The following TUSC3 variants were observed in gnomAD, a reference collection of about 807,000 sequenced individuals.
TUSC3 encodes tumor suppressor candidate 3.
A neutral mutation model predicts 44.8 loss-of-function variants in TUSC3; 45 were observed. That is an observed-to-expected ratio of 1.00 (90% CI 0.79 to 1.29). The LOEUF is 1.29. TUSC3 is among the 50% of genes most tolerant of loss of function. TUSC3 has a pLI of 0.00. For synonymous variants in TUSC3, 212 were observed against 152.9 expected, an observed-to-expected ratio of 1.39 and a Z score of -2.85; for missense variants, 519 against 437.9, an observed-to-expected ratio of 1.19 and a Z score of -1.65.
At chr8:15,734,900 G>C (rs1810867855) in intron 7 of TUSC3, among the ~76,000 whole-genome samples, 2 of 152,180 alleles carry the variant, frequency 1.3e-5, no homozygotes, top group South Asian at 2.1e-4. Context: ...ATTGGTGAAA[G>C]TTAGGTTAGG....
intron 6 of TUSC3, among the ~76,000 whole-genome samples, chr8:15,693,514 G>C (rs746897715): frequency 6.9e-5 from 9 of 130,222 alleles, no homozygotes; most frequent in Non-Finnish European, 1.2e-4. Context: ...TAGGGTTTCT[G>C]CTGTTTTAAG....
At chr8:15,492,330 C>T (rs1332187232) in intron 2 of TUSC3, among the ~76,000 whole-genome samples, 1 of 152,156 alleles carries the variant, frequency 6.6e-6, no homozygotes, top group Admixed American at 6.5e-5. Flanking sequence ...ATATTAAAGT[C>T]ACAGTTAACA....
intron 6 of TUSC3, among the ~76,000 whole-genome samples, chr8:15,710,783 A>G (rs1809810295): frequency 6.7e-6 from 1 of 149,334 alleles, no homozygotes; most frequent in African/African-American, 2.4e-5. Context: ...CATGAAGTGA[A>G]TATATATATT....
At chr8:15,712,609 A>C (rs1201300245) in intron 6 of TUSC3, among the ~76,000 whole-genome samples, 1 of 152,052 alleles carries the variant, frequency 6.6e-6, no homozygotes, top group Admixed American at 6.6e-5. Flanking sequence ...CTAGAATCTC[A>C]GTCCTCTTTC....
At chr8:15,528,242 A>T (rs1045213818) in intron 2 of TUSC3, among the ~76,000 whole-genome samples, 2 of 152,218 alleles carry the variant, frequency 1.3e-5, no homozygotes, top group Admixed American at 6.5e-5. Context: ...GACAAGGTTA[A>T]AATTAAAATG....
chr8:15,793,013 A>C, the TUSC3 span, among the ~76,000 whole-genome samples: 1 of 152,004 alleles, frequency 6.6e-6, no homozygotes, highest in African/African-American at 2.4e-5. Context: ...AAATAGAACC[A>C]ATGAGAAGAG....
chr8:15,637,299 T>C (rs113258856), intron 2 of TUSC3, among the ~76,000 whole-genome samples: 13 of 152,308 alleles, frequency 8.5e-5, no homozygotes, highest in African/African-American at 2.9e-4. Context: ...CCTTTATTTA[T>C]TTTCAGTCAA....
At chr8:15,583,389 C>G (rs753574038) in intron 1 of TUSC3, among the ~76,000 whole-genome samples, 1 of 152,038 alleles carries the variant, frequency 6.6e-6, no homozygotes, top group Non-Finnish European at 1.5e-5. Context: ...AGAAGATTGA[C>G]GGTGATGGTA....
At chr8:15,428,583 C>G (rs546561611) in intron 1 of TUSC3, among the ~76,000 whole-genome samples, 3 of 152,294 alleles carry the variant, frequency 2.0e-5, no homozygotes, top group African/African-American at 7.2e-5. Context: ...TACAATCCCA[C>G]CAACAGTGTA....
At chr8:15,550,903 C>T (rs1361999880) in intron 1 of TUSC3, among the ~76,000 whole-genome samples, 2 of 151,668 alleles carry the variant, frequency 1.3e-5, no homozygotes, top group Non-Finnish European at 2.9e-5. Flanking sequence ...AATTCCTAAC[C>T]TCGGGTGATC....
chr8:15,583,848 C>G (rs550978079), intron 1 of TUSC3, among the ~76,000 whole-genome samples: 1 of 152,086 alleles, frequency 6.6e-6, no homozygotes, highest in Non-Finnish European at 1.5e-5. Context: ...AAACCACAAA[C>G]CCTTATTTTA....
intron 1 of TUSC3, among the ~76,000 whole-genome samples, chr8:15,563,026 T>C (rs28680757): frequency 0.22 from 33,565 of 151,944 alleles, 3,879 homozygotes; most frequent in East Asian, 0.44. Flanking sequence ...CAGTGGTTCA[T>C]TGGGGATTAT....
intron 1 of TUSC3, among the ~76,000 whole-genome samples, chr8:15,430,437 G>A (rs1489335710): frequency 2.7e-5 from 4 of 150,466 alleles, no homozygotes. Context: ...AACCCTTCAT[G>A]TTAAAAACTC....
chr8:15,443,781 G>A (rs991776320), intron 1 of TUSC3, among the ~76,000 whole-genome samples: 1 of 152,146 alleles, frequency 6.6e-6, no homozygotes, highest in African/African-American at 2.4e-5. Context: ...CCCTCCCTAA[G>A]CTGCTCCAGG....
intron 2 of TUSC3, among the ~76,000 whole-genome samples, chr8:15,631,647 C>T (rs546358287): frequency 6.7e-6 from 1 of 150,320 alleles, no homozygotes; most frequent in South Asian, 2.1e-4. Flanking sequence ...TTCAGTAATA[C>T]ATCTCTTGAG....
intron 6 of TUSC3, among the ~76,000 whole-genome samples, chr8:15,727,208 TA>T (rs1260557623): frequency 6.6e-6 from 1 of 152,152 alleles, no homozygotes; most frequent in Non-Finnish European, 1.5e-5. Context: ...AGGTTAATTT[TA>T]GGTGAATTAA....
chr8:15,681,006 T>C (rs1563169463), intron 6 of TUSC3, among the ~76,000 whole-genome samples: 1 of 152,236 alleles, frequency 6.6e-6, no homozygotes, highest in Admixed American at 6.5e-5. Context: ...TGTTGAGGAT[T>C]TTTACATCTA....
At chr8:15,702,682 A>G (rs1809454225) in intron 6 of TUSC3, among the ~76,000 whole-genome samples, 1 of 152,116 alleles carries the variant, frequency 6.6e-6, no homozygotes. Flanking sequence ...CAAGTTGAAT[A>G]CTATTCTCCA....
intron 1 of TUSC3, among the ~76,000 whole-genome samples, chr8:15,582,039 A>G (rs1268280482): frequency 6.6e-6 from 1 of 152,028 alleles, no homozygotes; most frequent in Non-Finnish European, 1.5e-5. Context: ...CGGTCTGAAA[A>G]GCGCAATATT....
Sources: gnomAD v4.1 joint callset for allele counts (sites outside exome capture counted in the v4.1 genomes callset) on GRCh38, gnomAD v4.1.1 for gene constraint, MANE v1.5 for transcripts, NCBI Gene and HGNC (gene_info 2026-07-23, HGNC 2026-07-21) for gene names.